ABCB1: variants seen among roughly 807,000 people sequenced by gnomAD.
ABCB1 encodes the protein ATP binding cassette subfamily B member 1.
Under a neutral mutation model 142.0 loss-of-function variants are expected in ABCB1, and 69 were observed. The observed-to-expected ratio is 0.49, with a 90% confidence interval of 0.40 to 0.59. ABCB1 has a LOEUF of 0.59. Among genes scored for constraint, ABCB1 ranks in the 20% least tolerant of loss-of-function variants. The pLI is 0.00. For synonymous variants in ABCB1, 532 were observed against 539.2 expected, an observed-to-expected ratio of 0.99 and a Z score of 0.18; for missense variants, 1,326 against 1,554.7, an observed-to-expected ratio of 0.85 and a Z score of 2.47.
intron 4 of ABCB1, among the ~76,000 whole-genome samples, chr7:87,579,882 A>G (rs554162113): frequency 2.2e-4 from 33 of 152,302 alleles, no homozygotes; most frequent in African/African-American, 7.5e-4. Flanking sequence ...TTTTAAACTG[A>G]TGGCAACTTA....
intron 1 of ABCB1, among the ~76,000 whole-genome samples, chr7:87,705,254 G>A (rs1181921357): frequency 6.6e-6 from 1 of 152,082 alleles, no homozygotes; most frequent in African/African-American, 2.4e-5. Context: ...GCAAAACCCT[G>A]TCTCTACTTA....
chr7:87,667,307 G>A (rs1825356721), intron 1 of ABCB1, among the ~76,000 whole-genome samples: 1 of 151,974 alleles, frequency 6.6e-6, no homozygotes, highest in Admixed American at 6.6e-5. Context: ...TGGTGTATAG[G>A]AATGCTAGTG....
chr7:87,575,149 C>T (rs1020839816), intron 4 of ABCB1, among the ~76,000 whole-genome samples: 1 of 152,090 alleles, frequency 6.6e-6, no homozygotes, highest in Non-Finnish European at 1.5e-5. Context: ...TAAGACTGTA[C>T]CATTTAGGGA....
chr7:87,633,210 A>C (rs570433959), intron 1 of ABCB1, among the ~76,000 whole-genome samples: 1 of 152,336 alleles, frequency 6.6e-6, no homozygotes, highest in Admixed American at 6.5e-5. Context: ...TGCTTTACTC[A>C]GCATTTATTT....
At chr7:87,600,266 C>T (rs977707898) in intron 1 of ABCB1, 76 bp from the exon 2 acceptor site, 18 of 1,232,064 alleles carry the variant, frequency 1.5e-5, no homozygotes, top group Non-Finnish European at 2.0e-5. Context: ...CCTCTAGTCC[C>T]CCGTCGAAGC....
chr7:87,566,980 A>T lies in ABCB1; in HGVS notation c.339-4T>A. 1.2e-6 allele frequency: 2 copies of T among 1,613,866 alleles called. No homozygotes were observed. Among genetic ancestry groups the T allele is most frequent in the Non-Finnish European group, 8.5e-7 (1 of 1,179,746 alleles). On this transcript the variant is annotated splice_region_variant and splice_polypyrimidine_tract_variant and intron_variant, in intron 5 of 27. Coordinates refer to ENST00000622132, the MANE Select transcript of ABCB1 (RefSeq NM_001348946.2). Reference sequence around the variant, plus strand: ...TCCACTGTAATAATAGGCATACCTGAAAAACAACAAGAACACTGCACATGC... The same window carrying T: ...TCCACTGTAATAATAGGCATACCTGTAAAACAACAAGAACACTGCACATGC...
chr7:87,545,910 C>A lies in ABCB1; in HGVS notation c.1840G>T (p.Glu614Ter). 6.2e-7 allele frequency: 1 copy of A among 1,614,110 alleles called. No homozygotes were observed. The highest frequency in any genetic ancestry group is 2.2e-5 in the East Asian group (1 of 44,886). Residue 614 changes from glutamate to a stop codon, truncating the protein, a stop_gained, in exon 15 of 28, where the codon GAA becomes TAA. Coordinates refer to ENST00000622132, the MANE Select transcript of ABCB1 (RefSeq NM_001348946.2). LOFTEE classifies it high-confidence loss of function. ...GVIVEKGNHD[E>*]LMKEKGIYFK... ...TAAATGCCTTTCTCTTTCATGAGTT[C>A]ATCATGATTTCCTTTCTCCACAATG...
chr7:87,531,299 C>T lies in ABCB1; in HGVS notation c.2680G>A (p.Gly894Arg), dbSNP rs772319458. Residue 894 changes from glycine to arginine, a missense_variant, in exon 21 of 28, where the codon GGG becomes AGG. Coordinates refer to ENST00000622132, the MANE Select transcript of ABCB1 (RefSeq NM_001348946.2). ...LKDKKELEGS[G>R]KIATEAIENF... ...TCATATTTAGTTTGACTCACCTTCC[C>T]AGAACCTTCTAGTTCTTTCTTATCT... The T allele has an allele frequency of 2.5e-6, 4 of 1,612,592 alleles. No individual in the cohort carries two copies. The South Asian group carries it at 3.3e-5, about 13-fold the overall frequency.
rs58898486 is a variant in ABCB1, at chr7:87,595,890, G to T, written c.69-76C>A. 5.6e-3 allele frequency: 6,503 copies of T among 1,170,324 alleles called. 36 individuals are homozygous for T. The highest frequency in any genetic ancestry group is 5.9e-3 in the Non-Finnish European group (4,687 of 790,182). 72.5% of individuals were successfully genotyped at this position (1,170,324 alleles called of 1,614,324 possible). A position where few individuals can be genotyped will look rare whatever the true frequency, so the allele number is the denominator to read the frequency against. On this transcript the variant is annotated intron_variant, in intron 2 of 27. Coordinates refer to ENST00000622132, the MANE Select transcript of ABCB1 (RefSeq NM_001348946.2). ...TAAATTACCCAAATTAACATAGAATGTATATTTAATGACTAATAGGAAGAA... is the reference window on the plus strand; with the variant it reads ...TAAATTACCCAAATTAACATAGAATTTATATTTAATGACTAATAGGAAGAA...
At chr7:87,657,607 C>T (rs147027943) in intron 1 of ABCB1, among the ~76,000 whole-genome samples, 6 of 152,226 alleles carry the variant, frequency 3.9e-5, no homozygotes, top group South Asian at 2.1e-4. Flanking sequence ...ACAATGTTGA[C>T]GGAACACCAC....
chr7:87,683,755 C>A (rs1210271927), intron 1 of ABCB1, among the ~76,000 whole-genome samples: 1 of 152,104 alleles, frequency 6.6e-6, no homozygotes, highest in Admixed American at 6.6e-5. Flanking sequence ...CAAAACATGA[C>A]AGGGAGACAC....
intron 1 of ABCB1, among the ~76,000 whole-genome samples, chr7:87,626,329 A>G (rs577414637): frequency 3.0e-5 from 1 of 33,682 alleles, no homozygotes; most frequent in Admixed American, 4.1e-4. Context: ...TGTCATATAT[A>G]TGTGTCGTAT....
chr7:87,506,912 A>T (rs944793269), intron 26 of ABCB1, among the ~76,000 whole-genome samples: 5 of 152,212 alleles, frequency 3.3e-5, no homozygotes, highest in African/African-American at 9.7e-5. Flanking sequence ...GTTTTGGCAG[A>T]TGCTTGGGAC....
rs761505938 is a variant in ABCB1, at chr7:87,504,194, A to T, written c.*49T>A. The T allele has an allele frequency of 6.2e-7, 1 of 1,607,212 alleles. No individual in the cohort carries two copies. The highest frequency in any genetic ancestry group is 2.2e-5 in the East Asian group (1 of 44,800). On this transcript the variant is annotated 3_prime_UTR_variant, in exon 28 of 28. Coordinates refer to ENST00000622132, the MANE Select transcript of ABCB1 (RefSeq NM_001348946.2). ...TTGCTTTTAACTTTGAATAAATGTC[A>T]TATCTAAACAAATATTAAAAAGTAT...
At chr7:87,646,280 T>C (rs1237936786) in intron 1 of ABCB1, among the ~76,000 whole-genome samples, 1 of 152,182 alleles carries the variant, frequency 6.6e-6, no homozygotes, top group Non-Finnish European at 1.5e-5. Flanking sequence ...CTAATAGCCA[T>C]GGCTTTTTCT....
intron 19 of ABCB1, among the ~76,000 whole-genome samples, 162 bp from the exon 20 acceptor site, chr7:87,536,703 C>T (rs1816310819): frequency 6.6e-6 from 1 of 152,170 alleles, no homozygotes; most frequent in Non-Finnish European, 1.5e-5. Context: ...TATAAAAACA[C>T]ATAAATAGAT....
intron 1 of ABCB1, chr7:87,693,851 C>G (rs530725047): frequency 3.2e-4 from 499 of 1,565,486 alleles, no homozygotes; most frequent in Non-Finnish European, 4.2e-4. Context: ...GAACTGTAAA[C>G]ATGATGGCAG....
chr7:87,673,186 A>C (rs183529859), intron 1 of ABCB1, among the ~76,000 whole-genome samples: 1 of 152,154 alleles, frequency 6.6e-6, no homozygotes, highest in Non-Finnish European at 1.5e-5. Flanking sequence ...TCTAATGACT[A>C]TATATGTCTT....
intron 1 of ABCB1, among the ~76,000 whole-genome samples, chr7:87,663,423 GC>G (rs1290205455): frequency 6.6e-6 from 1 of 150,722 alleles, no homozygotes; most frequent in Non-Finnish European, 1.5e-5. Flanking sequence ...TACTTATTAA[GC>G]TTTCCCTACA....
Sources: allele counts gnomAD v4.1 joint callset (sites outside exome capture counted in the v4.1 genomes callset), GRCh38; gene constraint gnomAD v4.1.1; transcripts MANE v1.5; gene names NCBI Gene and HGNC (gene_info 2026-07-23, HGNC 2026-07-21).